GATD1: variants seen among roughly 807,000 people sequenced by gnomAD.
GATD1 encodes glutamine amidotransferase-like class 1 domain-containing protein 1.
In GATD1, 23 loss-of-function variants were observed where a neutral mutation model predicts 25.9. The observed-to-expected ratio is 0.89, with a 90% confidence interval of 0.64 to 1.26. The LOEUF is 1.26. Among genes scored for constraint, GATD1 ranks in the 50% most tolerant of loss-of-function variants. The pLI is 0.00. For missense variants in GATD1, 347 were observed against 312.5 expected, an observed-to-expected ratio of 1.11 and a Z score of -0.83; for synonymous variants, 177 against 134.6, an observed-to-expected ratio of 1.31 and a Z score of -2.18.
Position 770,843 on chromosome 11 carries a change from G to C in GATD1, c.*54C>G, listed in dbSNP as rs1016261386. The C allele has an allele frequency of 3.2e-6, 5 of 1,562,124 alleles. No individual in the cohort carries two copies. The highest frequency in any genetic ancestry group is 1.4e-5 in the African/African-American group (1 of 74,036). On this transcript the variant is annotated 3_prime_UTR_variant, in exon 8 of 8. Coordinates refer to ENST00000319863, the MANE Select transcript of GATD1 (RefSeq NM_182612.4). ...GCGGGGTCCCTGAAGCCTGAGACGG[G>C]GCTGCCTCTGGAGACACCTGGGCTG...
chr11:774,999 G>A (rs2133643126), intron 2 of GATD1, 67 bp downstream of exon 2: 3 of 1,452,710 alleles, frequency 2.1e-6, no homozygotes, highest in East Asian at 2.4e-5. Flanking sequence ...GCAGTCTCCT[G>A]ACCTTGCCCC....
intron 2 of GATD1, among the ~76,000 whole-genome samples, chr11:774,588 T>C (rs1258730559): frequency 6.6e-6 from 1 of 152,216 alleles, no homozygotes; most frequent in East Asian, 1.9e-4. Context: ...CCCAGCACTT[T>C]GGGAGGCCGA....
At chr11:777,358 C>A in intron 1 of GATD1, 41 bp downstream of exon 1, 1 of 1,267,536 alleles carries the variant, frequency 7.9e-7, no homozygotes, top group Non-Finnish European at 1.0e-6. Flanking sequence ...AGCCCCCTCG[C>A]GGACGCTCTT....
chr11:772,135 T>C (rs1249097814), intron 5 of GATD1, among the ~76,000 whole-genome samples: 3 of 152,084 alleles, frequency 2.0e-5, no homozygotes, highest in Non-Finnish European at 4.4e-5. Flanking sequence ...CGTCCCCTGG[T>C]GAGTGGGCCT....
intron 5 of GATD1, 60 bp from the exon 6 acceptor site, chr11:771,486 G>A: frequency 6.8e-7 from 1 of 1,473,310 alleles, no homozygotes; most frequent in Non-Finnish European, 8.9e-7. Flanking sequence ...CACCCCAGGG[G>A]TCAGGAAGGT....
chr11:772,904 G>C (rs1019760542), intron 4 of GATD1, among the ~76,000 whole-genome samples: 3 of 152,232 alleles, frequency 2.0e-5, no homozygotes, highest in Non-Finnish European at 4.4e-5. Context: ...GGCTAGACAG[G>C]ACGCCCCTGG....
chr11:771,478 C>T, intron 5 of GATD1, 52 bp from the exon 6 acceptor site: 1 of 1,483,712 alleles, frequency 6.7e-7, no homozygotes, highest in Non-Finnish European at 8.9e-7. Context: ...CTGCGGCCCA[C>T]CCCAGGGGTC....
At position 774,000 on chromosome 11, in the gene GATD1, G is replaced by A. The variant is rs369848169; in HGVS notation, c.247+8C>T. On this transcript the variant is annotated splice_region_variant and intron_variant, in intron 3 of 7. Transcript: ENST00000319863. ...ACCCCACCCCCAAGGAGTGGGTCCC[G>A]GGCCTACCATCGATGGACTCGAGCT... 4.1e-5 allele frequency: 66 copies of A among 1,612,754 alleles called. No homozygotes were observed. The highest frequency in any genetic ancestry group is 5.1e-5 in the Non-Finnish European group (60 of 1,179,462).
chr11:775,033 A>G, intron 2 of GATD1, 33 bp downstream of exon 2: 1 of 1,564,984 alleles, frequency 6.4e-7, no homozygotes, highest in South Asian at 1.2e-5. Flanking sequence ...ACAGACCCCA[A>G]GTGTCCAGTG....
In GATD1 at chr11:767,248, C is replaced by T. The variant is rs1190301458; in HGVS notation, c.*3649G>A. ...TTGCATGCTGCTGCATGGTTTTATTCCTCATGGGTAGATGAACACACACTG... is the reference window on the plus strand; with the variant it reads ...TTGCATGCTGCTGCATGGTTTTATTTCTCATGGGTAGATGAACACACACTG... On this transcript the variant is annotated 3_prime_UTR_variant, in exon 8 of 8. Coordinates refer to ENST00000319863, the MANE Select transcript of GATD1 (RefSeq NM_182612.4). 15 of 1,535,826 alleles carry T rather than the reference C, an allele frequency of 9.8e-6. No homozygotes were observed. The highest frequency in any genetic ancestry group is 1.4e-5 in the African/African-American group (1 of 73,042).
Position 767,385 on chromosome 11 carries a change from A to G in GATD1, c.*3512T>C. On this transcript the variant is annotated 3_prime_UTR_variant, in exon 8 of 8. Coordinates refer to ENST00000319863, the MANE Select transcript of GATD1 (RefSeq NM_182612.4). ...CCCCAAGCCCTGCCCTGGCAAAGAG[A>G]GAACTGTGCACAGCGGGGAGGCTCT... is the stretch of plus-strand genomic sequence containing the variant. 6.5e-7 allele frequency: 1 copy of G among 1,535,414 alleles called. No homozygotes were observed. The highest frequency in any genetic ancestry group is 8.7e-7 in the Non-Finnish European group (1 of 1,146,496).
intron 1 of GATD1, 113 bp downstream of exon 1, chr11:777,286 G>A (rs1864098065): frequency 1.3e-6 from 1 of 741,234 alleles, no homozygotes; most frequent in South Asian, 6.2e-5. Flanking sequence ...CGCCCCCAGC[G>A]GCCTCGGCCT....
At position 769,976 on chromosome 11, in the gene GATD1, C is replaced by T. The variant is rs191611486; in HGVS notation, c.*921G>A. 5.0e-4 allele frequency: 514 copies of T among 1,025,114 alleles called. No homozygotes were observed. The highest frequency in any genetic ancestry group is 5.5e-4 in the Non-Finnish European group (473 of 856,402). The allele number at this position is 1,025,114 out of a possible 1,614,324, so 63.5% of individuals were successfully genotyped here. A position where few individuals can be genotyped will look rare whatever the true frequency, so the allele number is the denominator to read the frequency against. On this transcript the variant is annotated 3_prime_UTR_variant, in exon 8 of 8. Transcript: ENST00000319863. ...GGCAGGTCACTGGCACCAGGAGCCA[C>T]GCTGGTGCTTGGGAACGGCTGTGGC...
chr11:774,126 A>G lies in GATD1; in HGVS notation c.142-13T>C. Reference sequence around the variant, plus strand: ...CCATGGCTTTCCCCTGGAGAAGCAGAGCCCAGGGGCCGAGGGTCAGCACCA... The same window carrying G: ...CCATGGCTTTCCCCTGGAGAAGCAGGGCCCAGGGGCCGAGGGTCAGCACCA... On this transcript the variant is annotated splice_polypyrimidine_tract_variant and intron_variant, in intron 2 of 7. Coordinates refer to ENST00000319863, the MANE Select transcript of GATD1 (RefSeq NM_182612.4). 1.2e-6 allele frequency: 2 copies of G among 1,608,440 alleles called. No homozygotes were observed. Among genetic ancestry groups the G allele is most frequent in the Non-Finnish European group, 1.7e-6 (2 of 1,175,646 alleles).
In GATD1 at chr11:774,033, G is replaced by A; in HGVS notation, c.222C>T (p.Ser74=). 6.2e-7 allele frequency: 1 copy of A among 1,613,602 alleles called. No homozygotes were observed. Among genetic ancestry groups the A allele is most frequent in the Non-Finnish European group, 8.5e-7 (1 of 1,179,988 alleles). Residue 74 remains serine, a synonymous_variant, in exon 3 of 8, where the codon AGC becomes AGT. Coordinates refer to ENST00000319863, the MANE Select transcript of GATD1 (RefSeq NM_182612.4). ...VQDFRLKAYA[S]PAKLESIDGA... ...CATCGATGGACTCGAGCTTGGCGGGGCTGGCGTAAGCCTTGAGGCGGAAGT... is the reference window on the plus strand; with the variant it reads ...CATCGATGGACTCGAGCTTGGCGGGACTGGCGTAAGCCTTGAGGCGGAAGT...
chr11:774,919 A>G, intron 2 of GATD1, 147 bp downstream of exon 2: 2 of 645,652 alleles, frequency 3.1e-6, no homozygotes, highest in Non-Finnish European at 5.4e-6. Context: ...GGACGCCACC[A>G]GGGTTTGGTT....
intron 1 of GATD1, chr11:776,557 C>T (rs1417920321): frequency 6.6e-6 from 1 of 151,964 alleles, no homozygotes; most frequent in East Asian, 2.0e-4. Context: ...GGGGGCATCA[C>T]TCAGGACCCC....
chr11:773,977 C>A, intron 3 of GATD1, 31 bp downstream of exon 3: 1 of 1,601,842 alleles, frequency 6.2e-7, no homozygotes, highest in African/African-American at 1.3e-5. Context: ...TCCCAGGCAC[C>A]CCACCCCCAA....
Position 770,084 on chromosome 11 carries a change from C to T in GATD1, c.*813G>A. The T allele has an allele frequency of 8.3e-7, 1 of 1,203,448 alleles. No homozygotes were observed. The highest frequency in any genetic ancestry group is 1.0e-6 in the Non-Finnish European group (1 of 969,952). The allele number at this position is 1,203,448 out of a possible 1,614,324, so 74.5% of individuals were successfully genotyped here. A position where few individuals can be genotyped will look rare whatever the true frequency, so the allele number is the denominator to read the frequency against. On this transcript the variant is annotated 3_prime_UTR_variant, in exon 8 of 8. Coordinates refer to ENST00000319863, the MANE Select transcript of GATD1 (RefSeq NM_182612.4). ...AGGAAGTAGAGGGCCTAAGCCTCTCCTGGACGCCCTAACCTGGGGCCAGGG... is the reference window on the plus strand; with the variant it reads ...AGGAAGTAGAGGGCCTAAGCCTCTCTTGGACGCCCTAACCTGGGGCCAGGG...
Sources: allele counts gnomAD v4.1 joint callset (sites outside exome capture counted in the v4.1 genomes callset), GRCh38; gene constraint gnomAD v4.1.1; transcripts MANE v1.5; gene names NCBI Gene and HGNC (gene_info 2026-07-23, HGNC 2026-07-21).